The following MAFG variants were observed in gnomAD, a reference collection of about 807,000 sequenced individuals.
MAFG encodes MAF bZIP transcription factor G, also known as transcription factor MafG.
Under a neutral mutation model 12.2 loss-of-function variants are expected in MAFG, and 3 were observed. The observed-to-expected ratio is 0.25, with a 90% CI of 0.11 to 0.64. The LOEUF (loss-of-function observed/expected upper bound fraction) is 0.64, where lower values mean the gene tolerates loss of function less well. Ranked by LOEUF, MAFG falls within the 30% of genes least tolerant of loss-of-function variation. MAFG has a pLI of 0.85. For missense variants in MAFG, 153 were observed against 235.5 expected (o/e 0.65, Z 2.29); for synonymous variants, 126 against 109.1 (o/e 1.15, Z -0.96).
chr17:81,929,044 A>G (rs1474365739), upstream of MAFG, among the ~76,000 whole-genome samples: 1 of 152,188 alleles, frequency 6.6e-6, no homozygotes, highest in Non-Finnish European at 1.5e-5. The surrounding 1 kb of genome is among the most constrained non-coding windows in gnomAD (Gnocchi z 5.7). Flanking sequence ...GTCAGGAGCC[A>G]GGGGTGATTG....
intron 1 of MAFG, among the ~76,000 whole-genome samples, chr17:81,925,095 C>A (rs1368973473): frequency 1.3e-5 from 2 of 152,214 alleles, no homozygotes; most frequent in African/African-American, 4.8e-5. Flanking sequence ...TGGACCTGGG[C>A]TGAGAGGGAC....
At chr17:81,923,559 G>C (rs546825447) in intron 1 of MAFG, 2 of 199,070 alleles carry the variant, frequency 1.0e-5, no homozygotes, top group African/African-American at 4.7e-5. Context: ...AGGAAGCCGG[G>C]AGCTTTAAAA....
chr17:81,923,205 C>A lies in MAFG; in HGVS notation c.-20G>T. On this transcript the variant is annotated 5_prime_UTR_variant, in exon 2 of 3. Coordinates refer to ENST00000357736, the MANE Select transcript of MAFG (RefSeq NM_002359.4). Reference sequence around the variant, plus strand: ...CGTCATAACCCGGGGGCACAGCGAGCAGGCGCTCTCTGCAAGACACGGAGC... The same window carrying A: ...CGTCATAACCCGGGGGCACAGCGAGAAGGCGCTCTCTGCAAGACACGGAGC... 1.3e-6 allele frequency: 2 copies of A among 1,584,802 alleles called. No homozygotes were observed. Among genetic ancestry groups the A allele is most frequent in the Non-Finnish European group, 1.7e-6 (2 of 1,166,202 alleles).
At chr17:81,925,518 G>C (rs1306303166) in intron 1 of MAFG, among the ~76,000 whole-genome samples, 2 of 152,208 alleles carry the variant, frequency 1.3e-5, no homozygotes, top group Non-Finnish European at 2.9e-5. Context: ...CTGAGAAGAT[G>C]TACATAAATG....
rs1255476812 is a variant in MAFG, at chr17:81,921,937, C to T, written c.*668G>A. The stretch of plus-strand genomic sequence containing the variant: ...GGTCATGTAAACAGTGACACGGGAC[C>T]CATCGCAGGGCACACTGGACCCACC... On this transcript the variant is annotated 3_prime_UTR_variant, in exon 3 of 3. Transcript: ENST00000357736. 6.6e-6 allele frequency: 1 copy of T among 152,144 alleles called. No individual in the cohort carries two copies. The highest frequency in any genetic ancestry group is 1.5e-5 in the Non-Finnish European group (1 of 68,038). 9.4% of individuals were successfully genotyped at this position (152,144 alleles called of 1,614,324 possible).
At position 81,923,020 on chromosome 17, in the gene MAFG, G is replaced by A. The variant is rs1265128823; in HGVS notation, c.74C>T (p.Thr25Met). Residue 25 changes from threonine to methionine, a missense_variant, in exon 3 of 3, where the codon ACG (threonine) becomes ATG (methionine). By Grantham distance (81) the Thr-to-Met change is moderately conservative. Transcript: ENST00000357736. The stretch of plus-strand genomic sequence containing the variant: ...CGACATGGTCACCAGCTCCTCATCC[G>A]TCAGGCTGGTGCCATTCTCACCCGG... ...REPGENGTSL[T>M]DEELVTMSVR... 13 of 1,597,134 alleles carry A rather than the reference G, an allele frequency of 8.1e-6. No individual in the cohort carries two copies. Among genetic ancestry groups the A allele is most frequent in the African/African-American group, 5.4e-5 (4 of 74,556 alleles).
rs553007566 is a variant in MAFG, at chr17:81,922,212, C to G, written c.*393G>C. 1.3e-5 allele frequency: 2 copies of G among 157,908 alleles called. No individual in the cohort carries two copies. Among genetic ancestry groups the G allele is most frequent in the Non-Finnish European group, 2.8e-5 (2 of 72,030 alleles). 9.8% of individuals were successfully genotyped at this position (157,908 alleles called of 1,614,324 possible). A position where few individuals can be genotyped will look rare whatever the true frequency, so the allele number is the denominator to read the frequency against. ...CCCAGCCCGCGAGCCTGTGGCCACT[C>G]GGGAGTGGAGGGAACACTGGGACCC... On this transcript the variant is annotated 3_prime_UTR_variant, in exon 3 of 3. Transcript: ENST00000357736.
In MAFG at chr17:81,927,619, G is replaced by A. The variant is rs2040952483; in HGVS notation, c.-121C>T. ...GGGCAGGGACCGGCGCGAGGGGTCC[G>A]GGCCCGGGGCTCGGAGGACTCGCCG... is the stretch of plus-strand genomic sequence containing the variant. On this transcript the variant is annotated 5_prime_UTR_variant, in exon 1 of 3. Transcript: ENST00000357736. The A allele has an allele frequency of 6.8e-6, 1 of 147,490 alleles. No individual in the cohort carries two copies. Among genetic ancestry groups the A allele is most frequent in the African/African-American group, 2.5e-5 (1 of 40,680 alleles). 9.1% of individuals were successfully genotyped at this position (147,490 alleles called of 1,614,324 possible).
upstream of MAFG, chr17:81,928,549 G>GA (rs911054815): frequency 1.3e-5 from 2 of 152,384 alleles, no homozygotes; most frequent in African/African-American, 4.8e-5. This position sits in a 1 kb window ranked among gnomAD's most constrained non-coding sequence, Gnocchi z 8.1. Context: ...GTAAGGCTCA[G>GA]AAGCGTCCCT....
At chr17:81,923,469 A>C in intron 1 of MAFG, 5 of 387,230 alleles carry the variant, frequency 1.3e-5, no homozygotes, top group Non-Finnish European at 2.3e-5. Context: ...GGGGAACTGA[A>C]GGCTGTTAGG....
Position 81,922,455 on chromosome 17 carries a change from CCCTGGG to C in MAFG, c.*144_*149del. The C allele has an allele frequency of 5.1e-6, 3 of 591,556 alleles. No homozygotes were observed. Among genetic ancestry groups the C allele is most frequent in the Admixed American group, 3.9e-5 (1 of 25,670 alleles). The allele number at this position is 591,556 out of a possible 1,614,324, so 36.6% of individuals were successfully genotyped here. On this transcript the variant is annotated 3_prime_UTR_variant, in exon 3 of 3. Coordinates refer to ENST00000357736, the MANE Select transcript of MAFG (RefSeq NM_002359.4). ...AGATCAAAGGGGCTCAGCCCGGCGC[CCCTGGG>C]GTACAGGTTGTGCTTTGCAGGGAAG...
chr17:81,930,470 A>G (rs1412630193), upstream of MAFG: 1 of 150,982 alleles, frequency 6.6e-6, no homozygotes, highest in Non-Finnish European at 1.5e-5. The surrounding 1 kb of genome is among the most constrained non-coding windows in gnomAD (Gnocchi z 4.1). Flanking sequence ...TGAGACCAGC[A>G]TTGGTAACAT....
Position 81,923,077 on chromosome 17 carries a change from G to A in MAFG, c.37-20C>T, listed in dbSNP as rs1250850487. The A allele has an allele frequency of 6.2e-7, 1 of 1,608,142 alleles. No homozygotes were observed. Among genetic ancestry groups the A allele is most frequent in the Non-Finnish European group, 8.5e-7 (1 of 1,177,772 alleles). On this transcript the variant is annotated intron_variant, in intron 2 of 2. Coordinates refer to ENST00000357736, the MANE Select transcript of MAFG (RefSeq NM_002359.4). ...CTTCACCTGGGGCACAGTGCAGGTG[G>A]TCACAGGCCAAGCGGGCACGCCCAC...
rs1235798874 is a variant in MAFG, at chr17:81,922,991, G to A, written c.103C>T (p.Arg35Trp). The A allele has an allele frequency of 1.9e-6, 3 of 1,597,350 alleles. No homozygotes were observed. Among genetic ancestry groups the A allele is most frequent in the South Asian group, 2.2e-5 (2 of 88,956 alleles). Reference sequence around the variant, plus strand: ...CCCCGCAGGTGCTGGTTCAGCTCCCGCACCGACATGGTCACCAGCTCCTCA... The same window carrying A: ...CCCCGCAGGTGCTGGTTCAGCTCCCACACCGACATGGTCACCAGCTCCTCA... The part of the protein sequence containing the change: ...TDEELVTMSV[R>W]ELNQHLRGLS... Residue 35 changes from arginine (R) to tryptophan (W), a missense_variant, in exon 3 of 3, where the codon CGG becomes TGG. Around this residue, in one of 3 missense-constraint regions of MAFG, gnomAD observed 43 missense variants for 65.6 expected, o/e 0.66. Coordinates refer to ENST00000357736, the MANE Select transcript of MAFG (RefSeq NM_002359.4).
chr17:81,927,483 C>G (rs2040951333), intron 1 of MAFG, 45 bp downstream of exon 1: 2 of 147,066 alleles, frequency 1.4e-5, no homozygotes, highest in Non-Finnish European at 3.0e-5. Context: ...CCGCCCCCGC[C>G]GCGCCGCCCC....
In MAFG at chr17:81,921,669, C is replaced by G. The variant is rs559356778; in HGVS notation, c.*936G>C. On this transcript the variant is annotated 3_prime_UTR_variant, in exon 3 of 3. Coordinates refer to ENST00000357736, the MANE Select transcript of MAFG (RefSeq NM_002359.4). The stretch of plus-strand genomic sequence containing the variant: ...CCACAAAGAGGTGTCCGTAAGTTTA[C>G]AAGAAAGGGATTTTTTTTCTTTTTT... 6.6e-6 allele frequency: 1 copy of G among 150,746 alleles called. No individual in the cohort carries two copies. The highest frequency in any genetic ancestry group is 2.1e-4 in the South Asian group (1 of 4,740). The allele number at this position is 150,746 out of a possible 1,614,324, so 9.3% of individuals were successfully genotyped here.
chr17:81,927,896 G>C (rs897108090), upstream of MAFG: 1 of 152,170 alleles, frequency 6.6e-6, no homozygotes, highest in African/African-American at 2.4e-5. Flanking sequence ...GGTCTCACGG[G>C]CGGGCCTGGG....
At chr17:81,927,191 C>T (rs1253758261) in intron 1 of MAFG, among the ~76,000 whole-genome samples, 1 of 151,838 alleles carries the variant, frequency 6.6e-6, no homozygotes, top group Non-Finnish European at 1.5e-5. Flanking sequence ...CTCGACCCCA[C>T]CCTTTCCTCC....
At chr17:81,928,858 T>C (rs2040962815), upstream of MAFG, among the ~76,000 whole-genome samples, 1 of 152,156 alleles carries the variant, frequency 6.6e-6, no homozygotes, top group Non-Finnish European at 1.5e-5. The surrounding 1 kb of genome is among the most constrained non-coding windows in gnomAD (Gnocchi z 8.1). Flanking sequence ...CACACCACAC[T>C]GGGCTGGCGA....
Sources: gnomAD v4.1 joint callset for allele counts (sites outside exome capture counted in the v4.1 genomes callset) on GRCh38, gnomAD v4.1.1 for gene constraint, gnomAD v4.1.1 regional missense constraint, Gnocchi (gnomAD v3.1) non-coding constraint, MANE v1.5 for transcripts, NCBI Gene and HGNC (gene_info 2026-07-23, HGNC 2026-07-21) for gene names.